The following CSMD1 variants were observed in gnomAD, a reference collection of about 807,000 sequenced individuals.
The protein encoded by CSMD1 is CUB and Sushi multiple domains 1.
CSMD1 carries 213 observed loss-of-function variants against 417.5 expected under a neutral mutation model. The ratio of observed to expected loss-of-function variants is 0.51; its 90% CI spans 0.46 to 0.57. The LOEUF (loss-of-function observed/expected upper bound fraction) is 0.57. CSMD1 is among the 20% of genes least tolerant of loss of function. The pLI, the probability that CSMD1 is intolerant of heterozygous loss-of-function variation, is 0.00. For missense variants in CSMD1, 6,923 were observed against 4,529.7 expected (o/e 1.53, Z -15.17); for synonymous variants, 2,862 against 1,736.8 (o/e 1.65, Z -16.11).
intron 3 of CSMD1, among the ~76,000 whole-genome samples, chr8:4,176,855 G>A (rs950009046): frequency 6.8e-6 from 1 of 147,706 alleles, no homozygotes; most frequent in Non-Finnish European, 1.5e-5. Flanking sequence ...AATGGTAAAG[G>A]GATCAATTCA....
At chr8:4,646,421 G>A (rs555379628) in intron 1 of CSMD1, among the ~76,000 whole-genome samples, 1 of 152,198 alleles carries the variant, frequency 6.6e-6, no homozygotes, top group South Asian at 2.1e-4. Flanking sequence ...TCAAGGTTGT[G>A]GCAGTGAATG....
At chr8:3,146,757 A>G (rs546065501) in intron 40 of CSMD1, among the ~76,000 whole-genome samples, 12 of 152,336 alleles carry the variant, frequency 7.9e-5, no homozygotes, top group African/African-American at 2.9e-4. Flanking sequence ...TAGGAAAGCC[A>G]GGTAAGATGA....
At chr8:3,840,629 G>T (rs543081202) in intron 5 of CSMD1, among the ~76,000 whole-genome samples, 183 of 151,830 alleles carry the variant, frequency 1.2e-3, no homozygotes, top group Middle Eastern at 6.9e-3. Context: ...ATATCTGTGT[G>T]TGTGCACTTG....
chr8:3,106,676 G>C, intron 45 of CSMD1, 35 bp from the exon 46 acceptor site: 5 of 1,347,834 alleles, frequency 3.7e-6, no homozygotes, highest in Non-Finnish European at 5.3e-6. Context: ...AGGAAATTGT[G>C]TGTGACCTTC....
chr8:4,878,446 T>G lies in CSMD1; in HGVS notation c.85+115886A>C, dbSNP rs999423315. On this transcript the variant is annotated intron_variant, in intron 1 of 69. Coordinates refer to ENST00000635120, the MANE Select transcript of CSMD1 (RefSeq NM_033225.6). ...ATATGATTAAAAATGTCCTTGTGGG[T>G]TTTTTGGAGGAAGGTAGGTAGAGGT... Among the ~76,000 whole-genome samples, 17 of 151,880 alleles carry G rather than the reference T, an allele frequency of 1.1e-4. No individual in the cohort carries two copies. The Middle Eastern group carries it at 0.01, about 91-fold the overall frequency.
At chr8:4,166,466 G>A (rs1453144341) in intron 3 of CSMD1, among the ~76,000 whole-genome samples, 1 of 152,208 alleles carries the variant, frequency 6.6e-6, no homozygotes, top group Non-Finnish European at 1.5e-5. Context: ...CAACCTGGAT[G>A]AAGTTGGAGG....
chr8:4,766,251 T>C (rs972752345), intron 1 of CSMD1, among the ~76,000 whole-genome samples: 18 of 152,084 alleles, frequency 1.2e-4, no homozygotes, highest in African/African-American at 4.1e-4. Flanking sequence ...AGGTATGGAG[T>C]AGCAGAATAT....
At chr8:4,604,422 A>G (rs1800763744) in intron 2 of CSMD1, among the ~76,000 whole-genome samples, 1 of 90,784 alleles carries the variant, frequency 1.1e-5, no homozygotes, top group Admixed American at 1.0e-4. Flanking sequence ...CGCGTGCGTA[A>G]AGACTAGGAT....
chr8:3,672,579 C>T (rs1799132312), intron 7 of CSMD1, among the ~76,000 whole-genome samples: 1 of 152,120 alleles, frequency 6.6e-6, no homozygotes, highest in Non-Finnish European at 1.5e-5. Context: ...CATGGATTCC[C>T]AATAATGTGT....
intron 3 of CSMD1, among the ~76,000 whole-genome samples, chr8:4,057,656 T>C (rs1320820448): frequency 3.1e-5 from 1 of 31,768 alleles, no homozygotes; most frequent in Non-Finnish European, 1.2e-4. Context: ...CTAGGGTTTT[T>C]ATAGTTTTAG....
intron 3 of CSMD1, among the ~76,000 whole-genome samples, chr8:4,068,645 G>A (rs2552110): frequency 0.071 from 10,771 of 152,158 alleles, 633 homozygotes; most frequent in East Asian, 0.31. Context: ...GTGGAACTGT[G>A]AGTTTAAGAT....
chr8:4,015,527 A>G (rs1490401323), intron 4 of CSMD1, among the ~76,000 whole-genome samples: 1 of 152,158 alleles, frequency 6.6e-6, no homozygotes, highest in South Asian at 2.1e-4. Flanking sequence ...CAATGGGCCT[A>G]CACTATTTAG....
At chr8:4,871,407 C>G (rs533017740) in intron 1 of CSMD1, among the ~76,000 whole-genome samples, 2 of 152,060 alleles carry the variant, frequency 1.3e-5, no homozygotes, top group East Asian at 1.9e-4. Context: ...ATACATTTAT[C>G]TAACACCATG....
At position 3,307,812 on chromosome 8, in the gene CSMD1, C is replaced by T; in HGVS notation, c.3833G>A (p.Gly1278Asp). The T allele has an allele frequency of 6.2e-7, 1 of 1,612,520 alleles. No homozygotes were observed. The highest frequency in any genetic ancestry group is 8.5e-7 in the Non-Finnish European group (1 of 1,179,274). ...TGATGTGGCTGCATGGATCTGACCACCACATTCCGCTGTAGAAGACACAGA... is the reference window on the plus strand; with the variant it reads ...TGATGTGGCTGCATGGATCTGACCATCACATTCCGCTGTAGAAGACACAGA... ...KPLPSCIAEC[G>D]GQIHAATSGR... Residue 1278 changes from glycine (G) to aspartate (D), a missense_variant, in exon 25 of 70, where the codon GGT becomes GAT. By Grantham distance (94) the Gly-to-Asp change is moderately conservative (BLOSUM62 -1). Transcript: ENST00000635120.
chr8:4,980,022 G>C (rs1234447119), intron 1 of CSMD1, among the ~76,000 whole-genome samples: 3 of 152,168 alleles, frequency 2.0e-5, no homozygotes, highest in East Asian at 1.9e-4. Flanking sequence ...GGGCGACAGA[G>C]TGAGACTCCA....
intron 5 of CSMD1, among the ~76,000 whole-genome samples, chr8:3,797,306 C>A (rs1800210224): frequency 6.6e-6 from 1 of 151,876 alleles, no homozygotes; most frequent in South Asian, 2.1e-4. Flanking sequence ...ACGCACATGT[C>A]TTTGTTATAT....
chr8:4,085,248 G>A (rs866211097), intron 3 of CSMD1, among the ~76,000 whole-genome samples: 3 of 152,134 alleles, frequency 2.0e-5, no homozygotes, highest in Non-Finnish European at 4.4e-5. Context: ...GACCCTGACA[G>A]AGCTTCTTCC....
chr8:3,387,371 A>C, intron 18 of CSMD1, 123 bp downstream of exon 18: 1 of 712,494 alleles, frequency 1.4e-6, no homozygotes, highest in Non-Finnish European at 2.3e-6. Flanking sequence ...ACAACTTCTC[A>C]GAGGGAACTC....
intron 26 of CSMD1, among the ~76,000 whole-genome samples, chr8:3,282,205 T>C (rs754557638): frequency 1.3e-5 from 2 of 152,146 alleles, no homozygotes; most frequent in African/African-American, 2.4e-5. Context: ...GAGAAAACTG[T>C]GGATATCGGC....
Sources: allele counts gnomAD v4.1 joint callset (sites outside exome capture counted in the v4.1 genomes callset), GRCh38; gene constraint gnomAD v4.1.1; transcripts MANE v1.5; gene names NCBI Gene and HGNC (gene_info 2026-07-23, HGNC 2026-07-21).